COL22A1: variants seen among roughly 807,000 people sequenced by gnomAD.
The protein encoded by COL22A1 is collagen alpha-1(XXII) chain.
In COL22A1, 221 loss-of-function variants were observed where a neutral mutation model predicts 248.9. The observed-to-expected ratio is 0.89, with a 90% CI of 0.80 to 0.99. The LOEUF (loss-of-function observed/expected upper bound fraction) is 0.99. Among genes scored for constraint, COL22A1 ranks in the 50% least tolerant of loss-of-function variants. COL22A1 has a pLI of 0.00. For synonymous variants in COL22A1, 891 were observed against 793.4 expected (o/e 1.12, Z -2.07); for missense variants, 2,240 against 2,179.0 (o/e 1.03, Z -0.56).
At position 138,891,074 on chromosome 8, in the gene COL22A1, G is replaced by C. The variant is rs1335701533; in HGVS notation, c.-72-7830C>G. Among the ~76,000 whole-genome samples the C allele has an allele frequency of 2.0e-5, 3 of 151,922 alleles. No homozygotes were observed. In the East Asian group the frequency reaches 5.8e-4, roughly 29 times the overall value. On this transcript the variant is annotated intron_variant, in intron 1 of 64. Coordinates refer to ENST00000303045, the MANE Select transcript of COL22A1 (RefSeq NM_152888.3). ...ACACCAGCAATGAACAATGCAAAAAGAAAACTAGGAAAATGATTTCATTCA... is the reference window on the plus strand; with the variant it reads ...ACACCAGCAATGAACAATGCAAAAACAAAACTAGGAAAATGATTTCATTCA...
At chr8:138,785,803 G>A (rs1252710311) in intron 12 of COL22A1, among the ~76,000 whole-genome samples, 2 of 152,254 alleles carry the variant, frequency 1.3e-5, no homozygotes, top group Non-Finnish European at 2.9e-5. Flanking sequence ...GAGATGTGGA[G>A]CAGGACTTAA....
rs9324493 is a variant in COL22A1 at position 138,715,738 on chromosome 8, A to G, written c.2464-3T>C. 208,041 of 1,602,662 alleles carry G rather than the reference A, an allele frequency of 0.13. 14,534 individuals carry two copies. The highest frequency in any genetic ancestry group is 0.23 in the African/African-American group (17,332 of 74,454). ...AGTCCCAGTTCACCTTTTTCTCCCT[A>G]TAATAAAAGATAAAATTAGAAAACA... On this transcript the variant is annotated splice_polypyrimidine_tract_variant and splice_region_variant and intron_variant, in intron 29 of 64. Transcript: ENST00000303045.
chr8:138,692,411 GT>G lies in COL22A1; in HGVS notation c.2754+1234del, dbSNP rs1227890965. 4.6e-5 allele frequency among the ~76,000 whole-genome samples: 7 copies of G among 151,566 alleles called. 1 individual carries two copies. Among genetic ancestry groups the G allele is most frequent in the Non-Finnish European group, 4.4e-5 (3 of 67,904 alleles). On this transcript the variant is annotated intron_variant, in intron 35 of 64. Transcript: ENST00000303045. ...TGCACGTATGTACATGTGTGTGTAT[GT>G]GTGTGTGCACGTACGTGTGTGCATG...
At position 138,604,795 on chromosome 8, in the gene COL22A1, G is replaced by A. The variant is rs376144349; in HGVS notation, c.4105-26C>T. ...CTGGAAAACAGAACAGAATATCAGT[G>A]GCTCTGCAGCATCAGCCCAATGTCA... On this transcript the variant is annotated intron_variant, in intron 58 of 64. Transcript: ENST00000303045. 91 of 1,600,488 alleles carry A rather than the reference G, an allele frequency of 5.7e-5. No homozygotes were observed. In the Middle Eastern group the frequency reaches 8.3e-4, roughly 15 times the overall value.
chr8:138,846,758 A>G (rs1179350739), intron 3 of COL22A1, among the ~76,000 whole-genome samples: 2 of 152,122 alleles, frequency 1.3e-5, no homozygotes, highest in Non-Finnish European at 2.9e-5. Context: ...TGATCTGTTT[A>G]TTTCTGTATT....
rs898899850 is a variant in COL22A1, at chr8:138,663,836, C to T, written c.3151-96G>A. The T allele has an allele frequency of 6.1e-6, 6 of 976,060 alleles. No individual in the cohort carries two copies. In the African/African-American group the frequency reaches 9.6e-5, roughly 16 times the overall value. The allele number at this position is 976,060 out of a possible 1,614,324, so 60.5% of individuals were successfully genotyped here. ...ATTCCATAGACAGGTCCTCAGTTGT[C>T]CTAGGAGGAGTCACTAACTTCCTCC... On this transcript the variant is annotated intron_variant, in intron 41 of 64. Coordinates refer to ENST00000303045, the MANE Select transcript of COL22A1 (RefSeq NM_152888.3).
chr8:138,895,659 C>A (rs1223328913), intron 1 of COL22A1, among the ~76,000 whole-genome samples: 2 of 152,058 alleles, frequency 1.3e-5, no homozygotes, highest in African/African-American at 4.8e-5. Context: ...GTGAGCAGAG[C>A]CTCAGAAATC....
intron 60 of COL22A1, among the ~76,000 whole-genome samples, chr8:138,601,823 G>A (rs1300623199): frequency 6.6e-6 from 1 of 152,072 alleles, no homozygotes; most frequent in East Asian, 1.9e-4. Flanking sequence ...TGTCTCCCAA[G>A]GCTTGCCTTT....
chr8:138,712,221 G>C (rs13255858), intron 30 of COL22A1, among the ~76,000 whole-genome samples: 71,163 of 152,036 alleles, frequency 0.47, 17,195 homozygotes, highest in East Asian at 0.73. Context: ...ACAGCAGATA[G>C]AACCAGGACC....
intron 10 of COL22A1, among the ~76,000 whole-genome samples, chr8:138,805,745 GGT>G (rs1363029167): frequency 1.8e-4 from 25 of 142,388 alleles, no homozygotes; most frequent in Admixed American, 4.2e-4. Context: ...TATATGTGAT[GGT>G]GTGTGTGTGT....
chr8:138,791,461 C>A (rs1816029375), intron 12 of COL22A1, among the ~76,000 whole-genome samples: 1 of 152,202 alleles, frequency 6.6e-6, no homozygotes, highest in Non-Finnish European at 1.5e-5. Context: ...AGGTCAATTG[C>A]AAACTTAAGA....
chr8:138,862,778 A>G (rs1211210762), intron 3 of COL22A1, among the ~76,000 whole-genome samples: 1 of 111,182 alleles, frequency 9.0e-6, no homozygotes, highest in African/African-American at 3.5e-5. Context: ...TTTTTTTTTC[A>G]TGTTTTCAGG....
At chr8:138,702,613 G>GAA (rs35091276) in intron 31 of COL22A1, among the ~76,000 whole-genome samples, 160 of 141,626 alleles carry the variant, frequency 1.1e-3, no homozygotes, top group African/African-American at 3.3e-3. Context: ...CATTAAAGTG[G>GAA]AAAAAAAAAA....
At chr8:138,610,648 G>C (rs1003946530) in intron 56 of COL22A1, among the ~76,000 whole-genome samples, 1 of 152,192 alleles carries the variant, frequency 6.6e-6, no homozygotes, top group Admixed American at 6.5e-5. Context: ...GCCTCTGGGG[G>C]CCTTGGGATT....
chr8:138,733,605 C>T (rs1372581179), intron 23 of COL22A1, among the ~76,000 whole-genome samples: 1 of 152,208 alleles, frequency 6.6e-6, no homozygotes, highest in Non-Finnish European at 1.5e-5. Context: ...CCCCACTGCT[C>T]TTTCAGGGAT....
At chr8:138,606,501 C>T in intron 57 of COL22A1, 49 bp from the exon 58 acceptor site, 1 of 1,574,262 alleles carries the variant, frequency 6.4e-7, no homozygotes. Context: ...CGTACCAACT[C>T]AAGCAGATTT....
At chr8:138,694,700 G>T in intron 33 of COL22A1, 126 bp downstream of exon 33, 1 of 1,372,150 alleles carries the variant, frequency 7.3e-7, no homozygotes, top group Non-Finnish European at 1.0e-6. Context: ...AGAAGAAAGG[G>T]CTGCCTTCCA....
chr8:138,893,939 C>A (rs979884972), intron 1 of COL22A1, among the ~76,000 whole-genome samples: 3 of 152,126 alleles, frequency 2.0e-5, no homozygotes, highest in Non-Finnish European at 4.4e-5. Context: ...GAGGTGATGC[C>A]TGAGCTGAGT....
chr8:138,878,156 G>A lies in COL22A1; in HGVS notation c.252C>T (p.Asp84=), dbSNP rs564758406. The change falls in exon 3 of 65, where the codon GAC becomes GAT. Residue 84 remains aspartate (D), a synonymous_variant. Transcript: ENST00000303045. ...CCAACTCGAAGGCCGTGGTGGGCCG[G>A]TCGCTGTAGCGCACGACCCCCACAC... The part of the protein sequence containing the change: ...RTRVGVVRYS[D]RPTTAFELGL... 122 of 1,605,572 alleles carry A rather than the reference G, an allele frequency of 7.6e-5. No homozygotes were observed. Among genetic ancestry groups the A allele is most frequent in the African/African-American group, 4.3e-4 (32 of 75,006 alleles).
Sources: gnomAD v4.1 joint callset for allele counts (sites outside exome capture counted in the v4.1 genomes callset) on GRCh38, gnomAD v4.1.1 for gene constraint, MANE v1.5 for transcripts, NCBI Gene and HGNC (gene_info 2026-07-23, HGNC 2026-07-21) for gene names.